Variants in UNC5A observed in about 807,000 individuals in gnomAD.
UNC5A encodes netrin receptor UNC5A.
UNC5A carries 20 observed loss-of-function variants against 87.4 expected under a neutral mutation model. That is an observed-to-expected ratio of 0.23 (90% CI 0.16 to 0.33). The LOEUF (loss-of-function observed/expected upper bound fraction) is 0.33. Among genes scored for constraint, UNC5A ranks in the 10% least tolerant of loss-of-function variants. The pLI, the probability that UNC5A is intolerant of heterozygous loss-of-function variation, is 1.00. For synonymous variants in UNC5A, 438 were observed against 482.3 expected, an observed-to-expected ratio of 0.91 and a Z score of 1.20; for missense variants, 844 against 1,133.4, an observed-to-expected ratio of 0.74 and a Z score of 3.67.
intron 1 of UNC5A, among the ~76,000 whole-genome samples, chr5:176,839,587 G>A (rs1201539655): frequency 1.3e-5 from 2 of 152,198 alleles, no homozygotes; most frequent in East Asian, 1.9e-4. Flanking sequence ...CCTAGTAAAG[G>A]GTTGGACTTC....
chr5:176,872,754 CCAA>C (rs1240682677), intron 6 of UNC5A, among the ~76,000 whole-genome samples: 2 of 115,738 alleles, frequency 1.7e-5, no homozygotes, highest in Admixed American at 8.3e-5. Context: ...CCCACACTCA[CCAA>C]CACCACAGCT....
intron 1 of UNC5A, among the ~76,000 whole-genome samples, chr5:176,832,566 G>C (rs1055057721): frequency 6.6e-6 from 1 of 152,188 alleles, no homozygotes; most frequent in Non-Finnish European, 1.5e-5. Context: ...GTGGTGTGTG[G>C]TGAGAACACA....
At chr5:176,826,080 G>A (rs1012365729) in intron 1 of UNC5A, among the ~76,000 whole-genome samples, 4 of 152,264 alleles carry the variant, frequency 2.6e-5, no homozygotes, top group Non-Finnish European at 4.4e-5. Flanking sequence ...GGAGCTGGGT[G>A]AGGAGAGGTG....
At chr5:176,852,871 T>G (rs2113638051) in intron 1 of UNC5A, among the ~76,000 whole-genome samples, 2 of 152,400 alleles carry the variant, frequency 1.3e-5, no homozygotes, top group South Asian at 4.1e-4. Context: ...TGCCTGGTGC[T>G]GGGACCGGTG....
intron 1 of UNC5A, among the ~76,000 whole-genome samples, chr5:176,812,485 T>C (rs552793304): frequency 1.1e-4 from 17 of 152,254 alleles, no homozygotes; most frequent in African/African-American, 4.1e-4. Context: ...CTGATGAACG[T>C]GTGTGATGAC....
chr5:176,851,276 C>T (rs965660058), intron 1 of UNC5A, among the ~76,000 whole-genome samples: 1 of 152,168 alleles, frequency 6.6e-6, no homozygotes, highest in Non-Finnish European at 1.5e-5. Context: ...CCATGGCTGT[C>T]GTTGCTGTGA....
intron 1 of UNC5A, among the ~76,000 whole-genome samples, chr5:176,811,605 G>A (rs1261661402): frequency 2.3e-5 from 1 of 43,016 alleles, no homozygotes; most frequent in Non-Finnish European, 7.0e-5. Flanking sequence ...ATTCCCTTGG[G>A]AGGGGCTTGG....
At chr5:176,853,980 T>C (rs1399502823) in intron 1 of UNC5A, among the ~76,000 whole-genome samples, 1 of 152,130 alleles carries the variant, frequency 6.6e-6, no homozygotes, top group East Asian at 1.9e-4. Flanking sequence ...GCTCTAGAAA[T>C]AGGCGGTTCG....
intron 8 of UNC5A, among the ~76,000 whole-genome samples, chr5:176,876,717 G>A (rs954747278): frequency 2.0e-5 from 3 of 152,222 alleles, no homozygotes; most frequent in Admixed American, 6.5e-5. Flanking sequence ...GGAGCAGGAC[G>A]GGAGGGCAGT....
chr5:176,879,975 G>A lies in UNC5A; in HGVS notation c.*89G>A, dbSNP rs750548483. The A allele has an allele frequency of 2.5e-5, 37 of 1,467,382 alleles. No homozygotes were observed. Among genetic ancestry groups the A allele is most frequent in the East Asian group, 5.0e-5 (2 of 40,400 alleles). The allele number at this position is 1,467,382 out of a possible 1,614,324, so 90.9% of individuals were successfully genotyped here. On this transcript the variant is annotated 3_prime_UTR_variant, in exon 15 of 15. Transcript: ENST00000329542. ...CCGGACAGGGGCCCTTCCCCACACC[G>A]GGGAGAGCTGCTCGGACAGGCCCCC...
At chr5:176,829,500 G>A (rs1002813586) in intron 1 of UNC5A, among the ~76,000 whole-genome samples, 3 of 146,614 alleles carry the variant, frequency 2.0e-5, no homozygotes, top group East Asian at 2.1e-4. Flanking sequence ...GTGGATGGAT[G>A]GATAAAGTGG....
intron 1 of UNC5A, among the ~76,000 whole-genome samples, chr5:176,832,116 C>T (rs966755175): frequency 6.6e-6 from 1 of 152,054 alleles, no homozygotes; most frequent in Admixed American, 6.6e-5. Context: ...AGGCTGGTCT[C>T]GAACTCCTGA....
chr5:176,818,130 G>C (rs1221978685), intron 1 of UNC5A, among the ~76,000 whole-genome samples: 1 of 152,208 alleles, frequency 6.6e-6, no homozygotes, highest in Non-Finnish European at 1.5e-5. Context: ...CCCTTCCCGG[G>C]CCCCCTGAGA....
At chr5:176,861,856 G>A (rs1239651888) in intron 1 of UNC5A, among the ~76,000 whole-genome samples, 2 of 152,226 alleles carry the variant, frequency 1.3e-5, no homozygotes, top group African/African-American at 2.4e-5. Flanking sequence ...GGCAGCTGGG[G>A]GTTGTGGGAG....
rs1347353603 is a variant in UNC5A at position 176,824,963 on chromosome 5, G to C, written c.70+14143G>C. 6.6e-6 allele frequency among the ~76,000 whole-genome samples: 1 copy of C among 152,218 alleles called. No homozygotes were observed. Among genetic ancestry groups the C allele is most frequent in the African/African-American group, 2.4e-5 (1 of 41,452 alleles). On this transcript the variant is annotated intron_variant, in intron 1 of 14. Transcript: ENST00000329542. This position sits in a 1 kb window ranked among gnomAD's most constrained non-coding sequence, Gnocchi z 4.2. ...CTCCCCACCCTGTGCACAGTGCTTG[G>C]TGGGTGTCAGGTACTGAGGCCATGG...
chr5:176,879,544 C>A (rs945056914), intron 14 of UNC5A, 56 bp downstream of exon 14: 2 of 1,552,880 alleles, frequency 1.3e-6, no homozygotes, highest in South Asian at 2.5e-5. Flanking sequence ...TCCTGCCCGG[C>A]GGCGGGGTGG....
In UNC5A at chr5:176,869,720, C is replaced by T. The variant is rs528513600; in HGVS notation, c.722-650C>T. On this transcript the variant is annotated intron_variant, in intron 5 of 14. Transcript: ENST00000329542. This position sits in a 1 kb window ranked among gnomAD's most constrained non-coding sequence, Gnocchi z 9.1. ...GCTGCACCAACCCGGCGCCTCTCAA[C>T]GGGGGCGCTTTCTGTGAGGGGCAGA... The T allele has an allele frequency of 3.3e-5, 22 of 662,610 alleles. No individual in the cohort carries two copies. Among genetic ancestry groups the T allele is most frequent in the East Asian group, 1.4e-4 (5 of 36,238 alleles). The allele number at this position is 662,610 out of a possible 1,614,324, so 41.0% of individuals were successfully genotyped here. A position where few individuals can be genotyped will look rare whatever the true frequency, so the allele number is the denominator to read the frequency against.
Position 176,877,978 on chromosome 5 carries a change from C to G in UNC5A, c.1720C>G (p.Gln574Glu), listed in dbSNP as rs1384369135. The part of the protein sequence containing the change: ...EASACYVFTE[Q>E]LGRFALVGEA... ...CAGTGCCTGCTACGTCTTCACCGAG[C>G]AGCTGGGCCGCTTTGCCCTGGTGGG... The change falls in exon 11 of 15, where the codon CAG becomes GAG. Residue 574 changes from glutamine (Q) to glutamate (E), a missense_variant. By Grantham distance (29) the Gln-to-Glu change is conservative (BLOSUM62 2). Transcript: ENST00000329542. The G allele has an allele frequency of 1.2e-6, 2 of 1,605,302 alleles. No homozygotes were observed. The highest frequency in any genetic ancestry group is 2.7e-5 in the African/African-American group (2 of 74,936).
chr5:176,869,789 C>A lies in UNC5A; in HGVS notation c.722-581C>A. ...GCGCCACCCTGTGCCCAGGTACCAGCGGCCACCGCCTCCCGCATCGTTCCT... is the reference window on the plus strand; with the variant it reads ...GCGCCACCCTGTGCCCAGGTACCAGAGGCCACCGCCTCCCGCATCGTTCCT... On this transcript the variant is annotated intron_variant, in intron 5 of 14. Coordinates refer to ENST00000329542, the MANE Select transcript of UNC5A (RefSeq NM_133369.3). This position sits in a 1 kb window ranked among gnomAD's most constrained non-coding sequence, Gnocchi z 9.1. 1.7e-6 allele frequency: 1 copy of A among 586,056 alleles called. No individual in the cohort carries two copies. The highest frequency in any genetic ancestry group is 3.1e-6 in the Non-Finnish European group (1 of 323,580). The allele number at this position is 586,056 out of a possible 1,614,324, so 36.3% of individuals were successfully genotyped here.
Sources: gnomAD v4.1 joint callset for allele counts (sites outside exome capture counted in the v4.1 genomes callset) on GRCh38, gnomAD v4.1.1 for gene constraint, Gnocchi (gnomAD v3.1) non-coding constraint, MANE v1.5 for transcripts, NCBI Gene and HGNC (gene_info 2026-07-23, HGNC 2026-07-21) for gene names.